BRI3BP: variants seen among roughly 807,000 people sequenced by gnomAD.
BRI3BP encodes the protein BRI3-binding protein.
In BRI3BP, 7 loss-of-function variants were observed where a neutral mutation model predicts 15.8. The observed-to-expected ratio is 0.44, with a 90% CI of 0.25 to 0.83. The LOEUF is 0.83. BRI3BP is among the 40% of genes least tolerant of loss of function. The probability of loss-of-function intolerance (pLI) is 0.20; values close to 1 mark genes in which losing one functional copy is unlikely to be tolerated. For synonymous variants in BRI3BP, 192 were observed against 163.5 expected (o/e 1.17, Z -1.33); for missense variants, 320 against 339.3 (o/e 0.94, Z 0.45).
chr12:125,023,355 A>C (rs1192473491), intron 2 of BRI3BP, among the ~76,000 whole-genome samples: 1 of 152,134 alleles, frequency 6.6e-6, no homozygotes, highest in Non-Finnish European at 1.5e-5. Flanking sequence ...AGCAGGCAGA[A>C]GAGGTAAAGG....
chr12:125,007,966 A>C (rs1042039020), intron 1 of BRI3BP, among the ~76,000 whole-genome samples: 9 of 152,056 alleles, frequency 5.9e-5, no homozygotes, highest in African/African-American at 2.2e-4. Context: ...TCTCTCAGTC[A>C]AGGTCCTCAA....
At chr12:125,001,392 C>T (rs1955089667) in intron 1 of BRI3BP, among the ~76,000 whole-genome samples, 2 of 151,706 alleles carry the variant, frequency 1.3e-5, no homozygotes, top group Non-Finnish European at 1.5e-5. Context: ...CAAGCTCTCA[C>T]TCTGTAGCCC....
intron 1 of BRI3BP, among the ~76,000 whole-genome samples, chr12:125,006,924 C>T (rs1433512500): frequency 6.6e-6 from 1 of 152,098 alleles, no homozygotes; most frequent in African/African-American, 2.4e-5. Flanking sequence ...ATTATCTGGG[C>T]GCGGTGGGTC....
rs184318282 is a variant in BRI3BP at position 125,023,639 on chromosome 12, C to G, written c.317-1352C>G. 3.3e-5 allele frequency among the ~76,000 whole-genome samples: 5 copies of G among 152,326 alleles called. No individual in the cohort carries two copies. The East Asian group carries it at 9.7e-4, about 29-fold the overall frequency. On this transcript the variant is annotated intron_variant, in intron 2 of 2. Transcript: ENST00000341446. ...ATGGCTCACTGCAGCCTCTACCTCC[C>G]AGCCTCAAGTGATCCTCCCACCTCA...
intron 1 of BRI3BP, among the ~76,000 whole-genome samples, chr12:124,998,555 T>G (rs1955058837): frequency 1.3e-5 from 2 of 152,038 alleles, no homozygotes; most frequent in Non-Finnish European, 2.9e-5. Flanking sequence ...ATATCTGGAA[T>G]AGGAAGATCC....
intron 2 of BRI3BP, among the ~76,000 whole-genome samples, chr12:125,022,541 A>ATTTATTTATTTAATTTTTTTTTT: frequency 7.2e-6 from 1 of 139,404 alleles, no homozygotes; most frequent in African/African-American, 2.9e-5. Flanking sequence ...TTATTTATTT[A>ATTTATTTATTTAATTTTTTTTTT]TTTTTTGAGA....
chr12:125,050,407 C>T, the BRI3BP span, among the ~76,000 whole-genome samples: 1 of 151,388 alleles, frequency 6.6e-6, no homozygotes, highest in African/African-American at 2.4e-5. Flanking sequence ...AAAGGAACGC[C>T]ACCAAAAGAA....
intron 2 of BRI3BP, among the ~76,000 whole-genome samples, chr12:125,015,965 C>T (rs190943601): frequency 2.1e-4 from 32 of 152,178 alleles, no homozygotes; most frequent in Non-Finnish European, 4.4e-4. Context: ...GTGTTTTCGT[C>T]GCCACCCATT....
At chr12:125,047,183 C>T in the BRI3BP span, among the ~76,000 whole-genome samples, 4 of 151,722 alleles carry the variant, frequency 2.6e-5, no homozygotes, top group South Asian at 4.2e-4. Context: ...GTCTTGCTGT[C>T]ACCCAGCCTG....
intron 2 of BRI3BP, among the ~76,000 whole-genome samples, chr12:125,018,949 C>T (rs1450515075): frequency 6.6e-6 from 1 of 152,102 alleles, no homozygotes; most frequent in African/African-American, 2.4e-5. Context: ...ACCTCCGCCT[C>T]CCGGGTTCAA....
At chr12:125,002,005 T>A (rs1410238508) in intron 1 of BRI3BP, among the ~76,000 whole-genome samples, 1 of 152,226 alleles carries the variant, frequency 6.6e-6, no homozygotes, top group African/African-American at 2.4e-5. Flanking sequence ...GTCTGGCCTT[T>A]TGTGTCTGGC....
chr12:124,998,089 G>A (rs1260511574), intron 1 of BRI3BP, among the ~76,000 whole-genome samples: 4 of 149,142 alleles, frequency 2.7e-5, no homozygotes, highest in East Asian at 4.0e-4. Context: ...GCACCGTTGC[G>A]CGCGCCAGCC....
At chr12:125,034,467 A>G (rs541614977), downstream of BRI3BP, among the ~76,000 whole-genome samples, 2 of 152,350 alleles carry the variant, frequency 1.3e-5, no homozygotes, top group Admixed American at 6.5e-5. Context: ...CATGGACATC[A>G]AACTTGCCAC....
At chr12:125,007,541 T>C (rs1463085124) in intron 1 of BRI3BP, among the ~76,000 whole-genome samples, 1 of 151,856 alleles carries the variant, frequency 6.6e-6, no homozygotes, top group Non-Finnish European at 1.5e-5. Flanking sequence ...AAAGCAAGAC[T>C]CTGTCTCAGG....
In BRI3BP at chr12:125,028,912, T is replaced by C. The variant is rs1955380295; in HGVS notation, c.*3482T>C. 1.3e-5 allele frequency: 2 copies of C among 152,204 alleles called. No homozygotes were observed. Among genetic ancestry groups the C allele is most frequent in the African/African-American group, 4.8e-5 (2 of 41,456 alleles). The allele number at this position is 152,204 out of a possible 1,614,324, so 9.4% of individuals were successfully genotyped here. ...CATACCTGGAGAGAAACCTTTTTTC[T>C]ATCTTCAGGGCTGTAGAATATATTA... On this transcript the variant is annotated 3_prime_UTR_variant, in exon 3 of 3. Transcript: ENST00000341446.
chr12:125,002,794 A>G (rs1955107165), intron 1 of BRI3BP, among the ~76,000 whole-genome samples: 1 of 150,984 alleles, frequency 6.6e-6, no homozygotes, highest in African/African-American at 2.4e-5. Context: ...TGTGTATTGT[A>G]TTATTCTGAT....
At chr12:125,040,683 G>A in the BRI3BP span, among the ~76,000 whole-genome samples, 1 of 151,322 alleles carries the variant, frequency 6.6e-6, no homozygotes, top group African/African-American at 2.4e-5. Context: ...CATTGTTTAT[G>A]GTCACATGGA....
At chr12:125,000,610 C>T (rs2135987432) in intron 1 of BRI3BP, among the ~76,000 whole-genome samples, 1 of 152,260 alleles carries the variant, frequency 6.6e-6, no homozygotes, top group African/African-American at 2.4e-5. Flanking sequence ...CCACGCCCAG[C>T]CTGTTTCCTA....
rs1955350858 is a variant in BRI3BP at position 125,025,919 on chromosome 12, T to C, written c.*489T>C. The stretch of plus-strand genomic sequence containing the variant: ...TGGTGGGTGAGGTCTGTGTGCGTTA[T>C]TTTCATGTTCCCAAACTGTGAGCTT... On this transcript the variant is annotated 3_prime_UTR_variant, in exon 3 of 3. Coordinates refer to ENST00000341446, the MANE Select transcript of BRI3BP (RefSeq NM_080626.6). 6.5e-6 allele frequency: 1 copy of C among 152,898 alleles called. No homozygotes were observed. The highest frequency in any genetic ancestry group is 2.4e-5 in the African/African-American group (1 of 41,456). The allele number at this position is 152,898 out of a possible 1,614,324, so 9.5% of individuals were successfully genotyped here. A position where few individuals can be genotyped will look rare whatever the true frequency, so the allele number is the denominator to read the frequency against.
Sources: gnomAD v4.1 joint callset for allele counts (sites outside exome capture counted in the v4.1 genomes callset) on GRCh38, gnomAD v4.1.1 for gene constraint, MANE v1.5 for transcripts, NCBI Gene and HGNC (gene_info 2026-07-23, HGNC 2026-07-21) for gene names.